Variants in EYA2 observed in about 807,000 individuals in gnomAD.
EYA2 encodes EYA transcriptional coactivator and phosphatase 2, also known as protein phosphatase EYA2.
A neutral mutation model predicts 69.2 loss-of-function variants in EYA2; 31 were observed. That is an observed-to-expected ratio of 0.45 (90% CI 0.34 to 0.60). The LOEUF (loss-of-function observed/expected upper bound fraction) is 0.60. Ranked by LOEUF, EYA2 falls within the 20% of genes least tolerant of loss-of-function variation. EYA2 has a pLI of 0.02. For missense variants in EYA2, 622 were observed against 701.2 expected (o/e 0.89, Z 1.28); for synonymous variants, 257 against 279.4 (o/e 0.92, Z 0.80).
intron 6 of EYA2, among the ~76,000 whole-genome samples, chr20:47,072,933 A>C (rs1432062655): frequency 4.6e-5 from 7 of 152,248 alleles, no homozygotes; most frequent in Admixed American, 4.6e-4. Flanking sequence ...GGAATACGCA[A>C]TTTCTTTTCC....
chr20:46,961,313 G>T (rs1426621500), intron 1 of EYA2, among the ~76,000 whole-genome samples: 1 of 152,050 alleles, frequency 6.6e-6, no homozygotes, highest in South Asian at 2.1e-4. Context: ...GCAACAGAGC[G>T]AGACTCTGTC....
chr20:47,071,902 G>A (rs976759522), intron 5 of EYA2: 6 of 424,656 alleles, frequency 1.4e-5, no homozygotes, highest in Non-Finnish European at 2.6e-5. Flanking sequence ...AGACTTAGGG[G>A]TCACGTGAGC....
At chr20:47,126,749 G>A (rs756105078) in intron 9 of EYA2, among the ~76,000 whole-genome samples, 10 of 152,144 alleles carry the variant, frequency 6.6e-5, no homozygotes, top group South Asian at 2.1e-4. Context: ...AACTAGGGGT[G>A]ATCTTGTCCC....
chr20:46,908,315 A>C (rs548244632), intron 1 of EYA2, among the ~76,000 whole-genome samples: 1 of 152,340 alleles, frequency 6.6e-6, no homozygotes, highest in East Asian at 1.9e-4. Flanking sequence ...AGAGAAGCTG[A>C]CGAGAACATG....
chr20:47,141,648 A>C (rs1327118624), intron 9 of EYA2, among the ~76,000 whole-genome samples: 1 of 152,244 alleles, frequency 6.6e-6, no homozygotes, highest in African/African-American at 2.4e-5. Context: ...TCTGGAACCC[A>C]AGCCAACAGA....
chr20:47,056,611 G>A (rs996653164), intron 5 of EYA2, among the ~76,000 whole-genome samples: 1 of 152,128 alleles, frequency 6.6e-6, no homozygotes, highest in African/African-American at 2.4e-5. Flanking sequence ...TTACAGATGA[G>A]GAAACTGAGG....
At chr20:47,130,454 G>A (rs142837058) in intron 9 of EYA2, among the ~76,000 whole-genome samples, 3,187 of 151,118 alleles carry the variant, frequency 0.021, 103 homozygotes, top group East Asian at 0.083. Context: ...TTTAGTAGAG[G>A]CAGGGTTTCA....
At chr20:47,161,009 C>A in intron 10 of EYA2, 1 of 326,980 alleles carries the variant, frequency 3.1e-6, no homozygotes, top group African/African-American at 2.2e-5. Flanking sequence ...TTAGAGATAG[C>A]ATCAAAGGTG....
rs117901922 is a variant in EYA2, at chr20:47,015,463, A to G, written c.299-718A>G. On this transcript the variant is annotated intron_variant, in intron 4 of 15. Transcript: ENST00000327619. ...TTGGAGAGTGTCTTACAGTTAAGTGATATCATCTTTGCAGAGGAAGGGTGG... is the reference window on the plus strand; with the variant it reads ...TTGGAGAGTGTCTTACAGTTAAGTGGTATCATCTTTGCAGAGGAAGGGTGG... 3.3e-5 allele frequency among the ~76,000 whole-genome samples: 5 copies of G among 152,226 alleles called. No homozygotes were observed. The East Asian group carries it at 9.6e-4, about 29-fold the overall frequency.
intron 3 of EYA2, among the ~76,000 whole-genome samples, chr20:47,002,353 T>C (rs940088860): frequency 3.2e-4 from 49 of 152,138 alleles, no homozygotes; most frequent in Admixed American, 1.8e-3. Flanking sequence ...ATGCTCTCCC[T>C]CTCCCCTACC....
chr20:47,184,499 C>T (rs185451948), intron 15 of EYA2, among the ~76,000 whole-genome samples: 6 of 150,526 alleles, frequency 4.0e-5, no homozygotes, highest in Non-Finnish European at 7.4e-5. Context: ...CTTACTGCAG[C>T]CTCTACCTAC....
chr20:46,987,952 CTCTCTCTCTCTCTA>C (rs1218581324), intron 1 of EYA2, among the ~76,000 whole-genome samples: 14 of 41,144 alleles, frequency 3.4e-4, no homozygotes, highest in East Asian at 6.1e-4. Flanking sequence ...CTCTCTCTCT[CTCTCTCTCTCTCTA>C]TATATATATA....
At chr20:47,122,052 C>A (rs2033059615) in intron 9 of EYA2, among the ~76,000 whole-genome samples, 1 of 151,978 alleles carries the variant, frequency 6.6e-6, no homozygotes, top group South Asian at 2.1e-4. Flanking sequence ...CATACAAATC[C>A]AGCTTTCTGG....
At chr20:47,112,816 T>C (rs1270542417) in intron 9 of EYA2, among the ~76,000 whole-genome samples, 14 of 145,502 alleles carry the variant, frequency 9.6e-5, no homozygotes, top group Non-Finnish European at 9.0e-5. Flanking sequence ...TGCCTGAGGC[T>C]CCAGAAGCAG....
chr20:47,177,007 AG>A (rs2034440217), intron 12 of EYA2, among the ~76,000 whole-genome samples: 1 of 152,172 alleles, frequency 6.6e-6, no homozygotes, highest in Non-Finnish European at 1.5e-5. Flanking sequence ...CACGTTGGCC[AG>A]GCTGATCTCG....
intron 12 of EYA2, among the ~76,000 whole-genome samples, chr20:47,174,678 C>T (rs1471602507): frequency 6.6e-6 from 1 of 152,228 alleles, no homozygotes; most frequent in Non-Finnish European, 1.5e-5. Context: ...GTTTTGCCAC[C>T]GTTTTCATGG....
chr20:47,031,684 T>C (rs1984425235), intron 5 of EYA2, among the ~76,000 whole-genome samples: 1 of 152,222 alleles, frequency 6.6e-6, no homozygotes, highest in Non-Finnish European at 1.5e-5. Flanking sequence ...TTGTTTCTTA[T>C]TTCATTTGTT....
At chr20:46,962,721 T>A (rs745822201) in intron 1 of EYA2, among the ~76,000 whole-genome samples, 3 of 152,202 alleles carry the variant, frequency 2.0e-5, no homozygotes, top group African/African-American at 4.8e-5. Flanking sequence ...CCTTGTCGCA[T>A]CCTACCACGT....
At chr20:47,164,042 A>G (rs887469732) in intron 10 of EYA2, among the ~76,000 whole-genome samples, 1 of 152,140 alleles carries the variant, frequency 6.6e-6, no homozygotes, top group Non-Finnish European at 1.5e-5. Context: ...TTGACCCGGA[A>G]GAGACCAGAA....
Sources: allele counts gnomAD v4.1 joint callset (sites outside exome capture counted in the v4.1 genomes callset), GRCh38; gene constraint gnomAD v4.1.1; transcripts MANE v1.5; gene names NCBI Gene and HGNC (gene_info 2026-07-23, HGNC 2026-07-21).